GPANK1: variants seen among roughly 807,000 people sequenced by gnomAD.
The protein encoded by GPANK1 is G-patch domain and ankyrin repeats 1.
GPANK1 carries 22 observed loss-of-function variants against 24.0 expected under a neutral mutation model. The observed-to-expected ratio is 0.92, with a 90% CI of 0.66 to 1.31. The LOEUF is 1.31. Among genes scored for constraint, GPANK1 ranks in the 50% most tolerant of loss-of-function variants. The probability of loss-of-function intolerance (pLI) is 0.00; values close to 1 mark genes in which losing one functional copy is unlikely to be tolerated. For missense variants in GPANK1, 469 were observed against 453.5 expected (o/e 1.03, Z -0.31); for synonymous variants, 174 against 177.4 (o/e 0.98, Z 0.15).
At chr6:31,665,105 G>C (rs1562037375), upstream of GPANK1, 5 of 381,884 alleles carry the variant, frequency 1.3e-5, no homozygotes, top group Non-Finnish European at 2.5e-5. Flanking sequence ...TTGAGGGCTC[G>C]GGCGTGCGCA....
upstream of GPANK1, chr6:31,665,331 G>A (rs956719004): frequency 4.0e-6 from 4 of 1,001,584 alleles, no homozygotes; most frequent in Non-Finnish European, 6.2e-6. Flanking sequence ...AAGGCCCTCA[G>A]GAGGCGGAGG....
At position 31,664,395 on chromosome 6, in the gene GPANK1, G is replaced by C. The variant is rs1301529033; in HGVS notation, c.84C>G (p.Pro28=). ...LWKDGQQQPQ[P]EKPESTLDGA... ...CATCCAGGGTGGACTCTGGCTTCTC[G>C]GGCTGTGGCTGCTGCTGCCCATCCT... Residue 28 remains proline (P), a synonymous_variant, in exon 2 of 3, where the codon CCC becomes CCG. Coordinates refer to ENST00000375896, the MANE Select transcript of GPANK1 (RefSeq NM_033177.4). 3.7e-6 allele frequency: 6 copies of C among 1,613,996 alleles called. No homozygotes were observed. Among genetic ancestry groups the C allele is most frequent in the Non-Finnish European group, 5.1e-6 (6 of 1,180,012 alleles).
At chr6:31,664,779 T>G in intron 1 of GPANK1, 62 bp downstream of exon 1, 1 of 420,422 alleles carries the variant, frequency 2.4e-6, no homozygotes, top group Non-Finnish European at 4.2e-6. Flanking sequence ...CCCACCCCCA[T>G]CCTCACCAAC....
intron 2 of GPANK1, 44 bp downstream of exon 2, chr6:31,663,809 C>G (rs1387592766): frequency 6.6e-7 from 1 of 1,523,784 alleles, no homozygotes. Flanking sequence ...CTGGGAGAGG[C>G]AGAACACAAT....
rs1801382946 is a variant in GPANK1, at chr6:31,664,563, C to A, written c.-85G>T. On this transcript the variant is annotated 5_prime_UTR_variant, in exon 2 of 3. Transcript: ENST00000375896. ...AAGCTCGTGGTGACCCTGTAGCAACCACAGCCTCAGAGACCTGCTGGGATG... is the reference window on the plus strand; with the variant it reads ...AAGCTCGTGGTGACCCTGTAGCAACAACAGCCTCAGAGACCTGCTGGGATG... 1.8e-6 allele frequency: 2 copies of A among 1,083,176 alleles called. No individual in the cohort carries two copies. Among genetic ancestry groups the A allele is most frequent in the Non-Finnish European group, 2.7e-6 (2 of 736,952 alleles). 67.1% of individuals were successfully genotyped at this position (1,083,176 alleles called of 1,614,324 possible).
chr6:31,665,559 G>T (rs976316260), upstream of GPANK1: 9 of 1,186,258 alleles, frequency 7.6e-6, no homozygotes, highest in African/African-American at 1.5e-4. Context: ...CCCTACGCAC[G>T]GAGCCAAGCC....
At chr6:31,665,136 C>T (rs1801473632), upstream of GPANK1, 2 of 424,762 alleles carry the variant, frequency 4.7e-6, no homozygotes, top group South Asian at 6.1e-5. Flanking sequence ...TTCAGTTTCC[C>T]GCGCTGGAAC....
At position 31,664,332 on chromosome 6, in the gene GPANK1, C is replaced by A. The variant is rs1195399441; in HGVS notation, c.147G>T (p.Gly49=). 1.9e-6 allele frequency: 3 copies of A among 1,614,202 alleles called. No homozygotes were observed. Among genetic ancestry groups the A allele is most frequent in the East Asian group, 2.2e-5 (1 of 44,892 alleles). ...AARAFYEALI[G]DESSAPDSQR... ...GGGAGTCAGGAGCGCTGCTCTCATCCCCAATCAGGGCCTCATAGAAAGCTC... is the reference window on the plus strand; with the variant it reads ...GGGAGTCAGGAGCGCTGCTCTCATCACCAATCAGGGCCTCATAGAAAGCTC... Residue 49 remains glycine (G), a synonymous_variant, in exon 2 of 3, where the codon GGG becomes GGT. Transcript: ENST00000375896.
At chr6:31,665,312 G>GT (rs1562038286), upstream of GPANK1, 16 of 822,672 alleles carry the variant, frequency 1.9e-5, no homozygotes, top group Non-Finnish European at 1.2e-5. Flanking sequence ...TCCACTCTGT[G>GT]GGTTAGGAAA....
rs1320848374 is a variant in GPANK1 at position 31,662,279 on chromosome 6, T to G, written c.1058A>C (p.Asn353Thr). 6.5e-7 allele frequency: 1 copy of G among 1,539,104 alleles called. No homozygotes were observed. The highest frequency in any genetic ancestry group is 2.3e-5 in the East Asian group (1 of 43,660). Reference protein sequence around the residue: ...AWERDLRTYMNLEF With the variant: ...AWERDLRTYMTLEF Reference sequence around the variant, plus strand: ...ACTTTACCAAAGTCAGAACTCGAGGTTCATGTAAGTCCTTAGATCCCGCTC... The same window carrying G: ...ACTTTACCAAAGTCAGAACTCGAGGGTCATGTAAGTCCTTAGATCCCGCTC... The change falls in exon 3 of 3, where the codon AAC becomes ACC. Residue 353 changes from asparagine (N) to threonine (T), a missense_variant. Coordinates refer to ENST00000375896, the MANE Select transcript of GPANK1 (RefSeq NM_033177.4). This position sits in a 1 kb window ranked among gnomAD's most constrained non-coding sequence, Gnocchi z 5.5.
In GPANK1 at chr6:31,664,377, G is replaced by C; in HGVS notation, c.102C>G (p.Thr34=). The C allele has an allele frequency of 6.2e-7, 1 of 1,614,098 alleles. No individual in the cohort carries two copies. Among genetic ancestry groups the C allele is most frequent in the Non-Finnish European group, 8.5e-7 (1 of 1,179,942 alleles). The change falls in exon 2 of 3, where the codon ACC becomes ACG. Residue 34 remains threonine, a synonymous_variant. Transcript: ENST00000375896. ...QQPQPEKPES[T]LDGAAARAFY... The stretch of plus-strand genomic sequence containing the variant: ...AAGCTCGGGCTGCAGCCCCATCCAG[G>C]GTGGACTCTGGCTTCTCGGGCTGTG...
chr6:31,664,617 C>A, intron 1 of GPANK1, 40 bp from the exon 2 acceptor site: 2 of 645,980 alleles, frequency 3.1e-6, no homozygotes, highest in Non-Finnish European at 5.3e-6. Flanking sequence ...CACTTTCCTG[C>A]CACTAAAGTA....
At position 31,664,025 on chromosome 6, in the gene GPANK1, G is replaced by A. The variant is rs767504115; in HGVS notation, c.454C>T (p.Arg152Ter). Residue 152 changes from arginine to a stop codon, truncating the protein, a stop_gained, in exon 2 of 3, where the codon CGA becomes TGA. Transcript: ENST00000375896. LOFTEE classifies it high-confidence loss of function. ...FWWTPLMCAA[R>*]AGQGAAVSYL... ...CTCACAGCTGCCCCCTGGCCCGCTCGAGCAGCACACATCAGTGGGGTCCAC... is the reference window on the plus strand; with the variant it reads ...CTCACAGCTGCCCCCTGGCCCGCTCAAGCAGCACACATCAGTGGGGTCCAC... The A allele has an allele frequency of 5.7e-5, 92 of 1,614,004 alleles. No individual in the cohort carries two copies. Among genetic ancestry groups the A allele is most frequent in the Middle Eastern group, 3.3e-4 (2 of 6,084 alleles).
Position 31,664,555 on chromosome 6 carries a change from G to T in GPANK1, c.-77C>A. 8.5e-7 allele frequency: 1 copy of T among 1,175,594 alleles called. No individual in the cohort carries two copies. Among genetic ancestry groups the T allele is most frequent in the South Asian group, 1.4e-5 (1 of 70,996 alleles). 72.8% of individuals were successfully genotyped at this position (1,175,594 alleles called of 1,614,324 possible). On this transcript the variant is annotated 5_prime_UTR_variant, in exon 2 of 3. Coordinates refer to ENST00000375896, the MANE Select transcript of GPANK1 (RefSeq NM_033177.4). ...AGTAAGCCAAGCTCGTGGTGACCCTGTAGCAACCACAGCCTCAGAGACCTG... is the reference window on the plus strand; with the variant it reads ...AGTAAGCCAAGCTCGTGGTGACCCTTTAGCAACCACAGCCTCAGAGACCTG...
chr6:31,666,193 G>A, upstream of GPANK1: 2 of 992,598 alleles, frequency 2.0e-6, 1 homozygote, highest in South Asian at 8.7e-5. Context: ...CCCCAGTCCT[G>A]GTCCCCGTCC....
In GPANK1 at chr6:31,664,061, C is replaced by A. The variant is rs1428105717; in HGVS notation, c.418G>T (p.Asp140Tyr). The change falls in exon 2 of 3, where the codon GAT (aspartate) becomes TAT (tyrosine). Residue 140 changes from aspartate to tyrosine, a missense_variant. By Grantham distance (160) the Asp-to-Tyr change is radical. Coordinates refer to ENST00000375896, the MANE Select transcript of GPANK1 (RefSeq NM_033177.4). The part of the protein sequence containing the change: ...GGAGGNINAR[D>Y]AFWWTPLMCA... ...ATCAGTGGGGTCCACCAGAAGGCATCCCGGGCGTTGATATTCCCCCCAGCT... is the reference window on the plus strand; with the variant it reads ...ATCAGTGGGGTCCACCAGAAGGCATACCGGGCGTTGATATTCCCCCCAGCT... 3 of 1,614,114 alleles carry A rather than the reference C, an allele frequency of 1.9e-6. No individual in the cohort carries two copies. Among genetic ancestry groups the A allele is most frequent in the Non-Finnish European group, 2.5e-6 (3 of 1,180,048 alleles).
chr6:31,664,357 C>G lies in GPANK1; in HGVS notation c.122G>C (p.Arg41Pro). 1 of 1,614,014 alleles carries G rather than the reference C, an allele frequency of 6.2e-7. No homozygotes were observed. The highest frequency in any genetic ancestry group is 1.7e-5 in the Admixed American group (1 of 60,022). ...CCCAATCAGGGCCTCATAGAAAGCTCGGGCTGCAGCCCCATCCAGGGTGGA... is the reference window on the plus strand; with the variant it reads ...CCCAATCAGGGCCTCATAGAAAGCTGGGGCTGCAGCCCCATCCAGGGTGGA... ...PESTLDGAAA[R>P]AFYEALIGDE... The change falls in exon 2 of 3, where the codon CGA (arginine) becomes CCA (proline). Residue 41 changes from arginine to proline, a missense_variant. Transcript: ENST00000375896.
rs74775444 is a variant in GPANK1, at chr6:31,661,687, C to T, written c.*579G>A. 1.2e-5 allele frequency: 2 copies of T among 164,730 alleles called. No individual in the cohort carries two copies. The highest frequency in any genetic ancestry group is 1.8e-4 in the East Asian group (1 of 5,474). 10.2% of individuals were successfully genotyped at this position (164,730 alleles called of 1,614,324 possible). ...TGCACTCCAGCCTGGGCAATGAGAG[C>T]GAAACTGCATCTCAAAAAAAAAAGA... On this transcript the variant is annotated 3_prime_UTR_variant, in exon 3 of 3. Coordinates refer to ENST00000375896, the MANE Select transcript of GPANK1 (RefSeq NM_033177.4).
rs570941337 is a variant in GPANK1, at chr6:31,662,506, C to G, written c.831G>C (p.Arg277=). The part of the protein sequence containing the change: ...GWEPGMGLGP[R]GEGRANPIPT... ...GGATGGGATTGGCACGGCCCTCACC[C>G]CGGGGTCCCAGCCCCATTCCTGGCT... The change falls in exon 3 of 3, where the codon CGG becomes CGC. Residue 277 remains arginine (R), a synonymous_variant. Coordinates refer to ENST00000375896, the MANE Select transcript of GPANK1 (RefSeq NM_033177.4). The surrounding 1 kb of genome is among the most constrained non-coding windows in gnomAD (Gnocchi z 5.5). The G allele has an allele frequency of 1.2e-6, 2 of 1,612,456 alleles. No individual in the cohort carries two copies. The highest frequency in any genetic ancestry group is 2.2e-5 in the South Asian group (2 of 91,016).
Sources: gnomAD v4.1 joint callset for allele counts on GRCh38, gnomAD v4.1.1 for gene constraint, Gnocchi (gnomAD v3.1) non-coding constraint, MANE v1.5 for transcripts, NCBI Gene and HGNC (gene_info 2026-07-23, HGNC 2026-07-21) for gene names.